DENND4C: variants seen among roughly 807,000 people sequenced by gnomAD.
DENND4C encodes DENN domain containing 4C, also known as DENN domain-containing protein 4C.
A neutral mutation model predicts 203.0 loss-of-function variants in DENND4C; 108 were observed. That is an observed-to-expected ratio of 0.53 (90% CI 0.46 to 0.62). DENND4C has a LOEUF of 0.62. Among genes scored for constraint, DENND4C ranks in the 20% least tolerant of loss-of-function variants. The probability of loss-of-function intolerance (pLI) is 0.00; values close to 1 mark genes in which losing one functional copy is unlikely to be tolerated. For synonymous variants in DENND4C, 871 were observed against 792.4 expected (o/e 1.10, Z -1.67); for missense variants, 2,481 against 2,301.2 (o/e 1.08, Z -1.60).
chr9:19,290,526 A>G (rs1588852928), intron 4 of DENND4C, among the ~76,000 whole-genome samples, 178 bp from the exon 5 acceptor site: 1 of 152,328 alleles, frequency 6.6e-6, no homozygotes, highest in East Asian at 1.9e-4. Flanking sequence ...TTCATGGGTA[A>G]AATATCAGGG....
chr9:19,337,736 T>A, intron 20 of DENND4C: 2 of 1,017,704 alleles, frequency 2.0e-6, no homozygotes, highest in South Asian at 2.7e-5. Context: ...GACCTTTCAT[T>A]GTATTTTAAG....
chr9:19,263,189 A>T (rs1010401671), intron 1 of DENND4C, among the ~76,000 whole-genome samples: 1 of 152,318 alleles, frequency 6.6e-6, no homozygotes, highest in South Asian at 2.1e-4. Context: ...ATCAATTGAA[A>T]TGATCATATG....
chr9:19,361,808 T>A (rs773584954), intron 29 of DENND4C, 38 bp from the exon 30 acceptor site: 1 of 1,248,696 alleles, frequency 8.0e-7, no homozygotes, highest in Non-Finnish European at 1.2e-6. Flanking sequence ...GTAATTGTTA[T>A]TCTCGGGATA....
chr9:19,255,477 TCAA>T (rs1827721198), intron 1 of DENND4C, among the ~76,000 whole-genome samples: 1 of 152,272 alleles, frequency 6.6e-6, no homozygotes, highest in Non-Finnish European at 1.5e-5. Flanking sequence ...ATGTTTACAA[TCAA>T]CAGGTTTATA....
Position 19,300,323 on chromosome 9 carries a change from G to A in DENND4C, c.1303G>A (p.Val435Ile), listed in dbSNP as rs200220857. 3 of 1,580,872 alleles carry A rather than the reference G, an allele frequency of 1.9e-6. No individual in the cohort carries two copies. The highest frequency in any genetic ancestry group is 1.2e-5 in the South Asian group (1 of 85,708). Residue 435 changes from valine (V) to isoleucine (I), a missense_variant, in exon 9 of 33, where the codon GTT becomes ATT. Physicochemically the swap from Val to Ile is conservative, Grantham distance 29. This residue lies in a region of DENND4C where 2,289 missense variants were observed against 2,113.3 expected (regional missense o/e 1.08). Coordinates refer to ENST00000434457, the MANE Select transcript of DENND4C (RefSeq NM_001330640.2). ...PAVLTGVAEAVVAMIFPFQWQ... is the reference protein window; with the variant it reads ...PAVLTGVAEAIVAMIFPFQWQ... ...TGTCTTGACTGGGGTAGCTGAAGCT[G>A]TTGTAGCTGTAAGTATAGAATTTTC...
intron 1 of DENND4C, among the ~76,000 whole-genome samples, chr9:19,251,718 A>G (rs1386263883): frequency 6.6e-6 from 1 of 152,198 alleles, no homozygotes; most frequent in Non-Finnish European, 1.5e-5. Context: ...TCAAAGTTCC[A>G]CAAATCTCTA....
chr9:19,368,633 C>CA (rs1828175789), intron 30 of DENND4C, among the ~76,000 whole-genome samples: 2 of 151,884 alleles, frequency 1.3e-5, no homozygotes, highest in Admixed American at 6.6e-5. Context: ...CCCATCTCTA[C>CA]AAAAAATAAA....
chr9:19,353,408 G>T (rs1325026213), intron 26 of DENND4C, among the ~76,000 whole-genome samples: 1 of 152,082 alleles, frequency 6.6e-6, no homozygotes, highest in Non-Finnish European at 1.5e-5. Flanking sequence ...CAGGTGGATT[G>T]CCTGAGCTCA....
chr9:19,268,012 A>G (rs777325697), intron 1 of DENND4C, among the ~76,000 whole-genome samples: 5 of 150,228 alleles, frequency 3.3e-5, no homozygotes, highest in Non-Finnish European at 5.9e-5. Context: ...CTTCCTTCCC[A>G]TCTTCCTTTA....
At chr9:19,340,542 G>A (rs892206229) in intron 20 of DENND4C, among the ~76,000 whole-genome samples, 2 of 152,030 alleles carry the variant, frequency 1.3e-5, no homozygotes, top group Admixed American at 1.3e-4. Flanking sequence ...CATACATAGA[G>A]AAGTTTTCTC....
rs150333564 is a variant in DENND4C at position 19,337,610 on chromosome 9, T to C, written c.2881+778T>C. ...ATGGTGTGGGGTGCAGACAGACTTA[T>C]ATGACGTGAAGCTATGGATACACGT... On this transcript the variant is annotated intron_variant, in intron 20 of 32. Transcript: ENST00000434457. The C allele has an allele frequency of 1.4e-4, 182 of 1,282,746 alleles. 2 individuals are homozygous for C. The East Asian group carries it at 5.5e-3, about 39-fold the overall frequency. 79.5% of individuals were successfully genotyped at this position (1,282,746 alleles called of 1,614,324 possible).
At chr9:19,308,687 C>G (rs1840167037) in intron 10 of DENND4C, among the ~76,000 whole-genome samples, 3 of 151,952 alleles carry the variant, frequency 2.0e-5, no homozygotes, top group Non-Finnish European at 4.4e-5. Context: ...ATTAATTTCT[C>G]TTTATGGAGT....
At chr9:19,366,601 C>CA (rs936721339) in intron 30 of DENND4C, among the ~76,000 whole-genome samples, 18 of 151,268 alleles carry the variant, frequency 1.2e-4, no homozygotes, top group African/African-American at 3.6e-4. Flanking sequence ...GACTCTGTCT[C>CA]AAAAAAAAGA....
chr9:19,363,367 G>C (rs2132249173), intron 30 of DENND4C, among the ~76,000 whole-genome samples: 1 of 152,034 alleles, frequency 6.6e-6, no homozygotes. Context: ...ACAAAATTCA[G>C]CTGGGCGTGG....
chr9:19,267,203 G>A lies in DENND4C; in HGVS notation c.-17-8955G>A, dbSNP rs866456667. 3.3e-5 allele frequency among the ~76,000 whole-genome samples: 5 copies of A among 152,100 alleles called. No individual in the cohort carries two copies. The South Asian group carries it at 1.0e-3, about 32-fold the overall frequency. On this transcript the variant is annotated intron_variant, in intron 1 of 32. Transcript: ENST00000434457. Reference sequence around the variant, plus strand: ...GAAGATCTGTCCAGTGCTGAAAGTGGGATGTTGAAGTTTCCAGCAATTACT... The same window carrying A: ...GAAGATCTGTCCAGTGCTGAAAGTGAGATGTTGAAGTTTCCAGCAATTACT...
At chr9:19,306,426 G>A (rs1207412684) in intron 10 of DENND4C, among the ~76,000 whole-genome samples, 4 of 152,112 alleles carry the variant, frequency 2.6e-5, no homozygotes, top group African/African-American at 7.2e-5. Flanking sequence ...AGCTATAGTG[G>A]CTCCTTATGT....
At chr9:19,335,283 T>C (rs1384900466) in intron 18 of DENND4C, among the ~76,000 whole-genome samples, 178 bp downstream of exon 18, 1 of 152,110 alleles carries the variant, frequency 6.6e-6, no homozygotes, top group African/African-American at 2.4e-5. Context: ...CAATATGATG[T>C]TTTGAGATAT....
chr9:19,282,207 T>G (rs1289294991), intron 2 of DENND4C, among the ~76,000 whole-genome samples: 2 of 151,976 alleles, frequency 1.3e-5, no homozygotes, highest in Middle Eastern at 3.2e-3. Flanking sequence ...TAAATCCTTA[T>G]TTTATTAAGT....
At position 19,235,153 on chromosome 9, in the gene DENND4C, C is replaced by T. The variant is rs921095568; in HGVS notation, c.-18+4320C>T. Among the ~76,000 whole-genome samples the T allele has an allele frequency of 5.3e-5, 8 of 151,934 alleles. No individual in the cohort carries two copies. The South Asian group carries it at 6.2e-4, about 12-fold the overall frequency. On this transcript the variant is annotated intron_variant, in intron 1 of 32. Transcript: ENST00000434457. ...CTAATTTTTGTATTTTTAGTAGAGA[C>T]GGGGTTTTGCCATGTTGGCCAGGCT... is the stretch of plus-strand genomic sequence containing the variant.
Sources: allele counts gnomAD v4.1 joint callset (sites outside exome capture counted in the v4.1 genomes callset), GRCh38; gene constraint gnomAD v4.1.1; regional missense constraint gnomAD v4.1.1; transcripts MANE v1.5; gene names NCBI Gene and HGNC (gene_info 2026-07-23, HGNC 2026-07-21).